The following RNF34 variants were observed in gnomAD, a reference collection of about 807,000 sequenced individuals.
RNF34 encodes the protein ring finger protein 34, also known as E3 ubiquitin-protein ligase RNF34.
In RNF34, 12 loss-of-function variants were observed where a neutral mutation model predicts 37.9. The ratio of observed to expected loss-of-function variants is 0.32; its 90% CI spans 0.20 to 0.51. RNF34 has a LOEUF of 0.51. RNF34 is among the 20% of genes least tolerant of loss of function. The pLI is 0.97. For missense variants in RNF34, 362 were observed against 472.7 expected (o/e 0.77, Z 2.17); for synonymous variants, 155 against 177.2 (o/e 0.87, Z 1.00).
Position 121,418,926 on chromosome 12 carries a change from C to T in RNF34, c.633+1015C>T, listed in dbSNP as rs57222350. Among the ~76,000 whole-genome samples the T allele has an allele frequency of 5.7e-3, 869 of 152,258 alleles. 7 individuals carry two copies. Among genetic ancestry groups the T allele is most frequent in the Middle Eastern group, 0.037 (11 of 294 alleles). On this transcript the variant is annotated intron_variant, in intron 3 of 5. Transcript: ENST00000361234. ...TTCACCATGTTGGTCAGGCTGGTCTCGAATACCTGACCTCAGGTTATCTAC... is the reference window on the plus strand; with the variant it reads ...TTCACCATGTTGGTCAGGCTGGTCTTGAATACCTGACCTCAGGTTATCTAC...
chr12:121,401,709 T>TA (rs1461268462), intron 1 of RNF34, among the ~76,000 whole-genome samples: 3 of 152,128 alleles, frequency 2.0e-5, no homozygotes, highest in Non-Finnish European at 4.4e-5. Flanking sequence ...AGGAAAGAAT[T>TA]AGAGACAGGT....
Position 121,420,430 on chromosome 12 carries a change from T to C in RNF34, c.726+96T>C, listed in dbSNP as rs1294119048. ...ATTCGCTAGATTAGTACAGGATGTT[T>C]CTTCTGGTTTGAATGTAGGACAGTA... On this transcript the variant is annotated intron_variant, in intron 4 of 5. Transcript: ENST00000361234. The C allele has an allele frequency of 4.5e-6, 7 of 1,551,416 alleles. No homozygotes were observed. In the African/African-American group the frequency reaches 9.6e-5, roughly 21 times the overall value.
At chr12:121,418,079 T>C (rs1326420000) in intron 3 of RNF34, 168 bp downstream of exon 3, 6 of 732,774 alleles carry the variant, frequency 8.2e-6, no homozygotes, top group African/African-American at 1.8e-5. Flanking sequence ...TGATGTATAG[T>C]GTCTGCTGAG....
chr12:121,412,755 C>T (rs1256063216), intron 1 of RNF34, among the ~76,000 whole-genome samples: 4 of 139,906 alleles, frequency 2.9e-5, no homozygotes, highest in Non-Finnish European at 6.1e-5. Context: ...GATGGAGTCT[C>T]GCTGTGTCAC....
At position 121,423,707 on chromosome 12, in the gene RNF34, A is replaced by G. The variant is rs559299836; in HGVS notation, c.*131A>G. On this transcript the variant is annotated 3_prime_UTR_variant, in exon 6 of 6. Transcript: ENST00000361234. This position sits in a 1 kb window ranked among gnomAD's most constrained non-coding sequence, Gnocchi z 4.3. ...ACATTATTTTGACTACTAAGTGGGG[A>G]CAGAAAGATCCATCCTGAGTTGTGG... is the stretch of plus-strand genomic sequence containing the variant. 5.6e-5 allele frequency: 45 copies of G among 797,126 alleles called. No individual in the cohort carries two copies. Among genetic ancestry groups the G allele is most frequent in the Admixed American group, 5.1e-4 (19 of 37,254 alleles). 49.4% of individuals were successfully genotyped at this position (797,126 alleles called of 1,614,324 possible).
chr12:121,401,737 A>G (rs1870015634), intron 1 of RNF34, among the ~76,000 whole-genome samples: 1 of 152,202 alleles, frequency 6.6e-6, no homozygotes, highest in African/African-American at 2.4e-5. Flanking sequence ...TGAAATTTTT[A>G]AACAAGTTCT....
In RNF34 at chr12:121,423,420, C is replaced by A; in HGVS notation, c.963C>A (p.Asp321Glu). ...GERLQLQDEE[D>E]DSLCRICMDA... Reference sequence around the variant, plus strand: ...GGCTGCAGCTGCAGGATGAGGAAGACGACAGCCTGTGTCGCATCTGCATGG... The same window carrying A: ...GGCTGCAGCTGCAGGATGAGGAAGAAGACAGCCTGTGTCGCATCTGCATGG... The change falls in exon 6 of 6, where the codon GAC becomes GAA. Residue 321 changes from aspartate to glutamate, a missense_variant. By Grantham distance (45) the Asp-to-Glu change is conservative. Transcript: ENST00000361234. The surrounding 1 kb of genome is among the most constrained non-coding windows in gnomAD (Gnocchi z 4.3). The A allele has an allele frequency of 1.2e-6, 2 of 1,611,646 alleles. No homozygotes were observed. Among genetic ancestry groups the A allele is most frequent in the Non-Finnish European group, 1.7e-6 (2 of 1,178,936 alleles).
intron 1 of RNF34, among the ~76,000 whole-genome samples, chr12:121,410,244 A>G (rs1012536225): frequency 8.6e-5 from 13 of 151,832 alleles, no homozygotes; most frequent in African/African-American, 3.1e-4. Flanking sequence ...AAAATTTTCA[A>G]ATATGCTGCA....
chr12:121,414,462 A>T (rs1413334342), intron 1 of RNF34, among the ~76,000 whole-genome samples: 1 of 152,038 alleles, frequency 6.6e-6, no homozygotes, highest in East Asian at 1.9e-4. Flanking sequence ...GAGACAGGTT[A>T]CTCTGGGCAG....
In RNF34 at chr12:121,417,254, T is replaced by C. The variant is rs1189166910; in HGVS notation, c.226-250T>C. 6.6e-6 allele frequency among the ~76,000 whole-genome samples: 1 copy of C among 152,272 alleles called. No homozygotes were observed. The highest frequency in any genetic ancestry group is 1.9e-4 in the East Asian group (1 of 5,208). On this transcript the variant is annotated intron_variant, in intron 2 of 5. Transcript: ENST00000361234. The surrounding 1 kb of genome is among the most constrained non-coding windows in gnomAD (Gnocchi z 5.0). Reference sequence around the variant, plus strand: ...TTTATACCAAGGGGTGGAAAGGTTTTAATTCATTAACACAAGAGTGTGTTT... The same window carrying C: ...TTTATACCAAGGGGTGGAAAGGTTTCAATTCATTAACACAAGAGTGTGTTT...
At chr12:121,412,111 G>C (rs569447439) in intron 1 of RNF34, among the ~76,000 whole-genome samples, 1 of 152,140 alleles carries the variant, frequency 6.6e-6, no homozygotes, top group Non-Finnish European at 1.5e-5. Context: ...ACCCAGGCTG[G>C]AGTGCAGTGG....
rs781942399 is a variant in RNF34, at chr12:121,417,824, C to G, written c.546C>G (p.Asn182Lys). The change falls in exon 3 of 6, where the codon AAC becomes AAG. Residue 182 changes from asparagine (N) to lysine (K), a missense_variant. By Grantham distance (94) the Asn-to-Lys change is moderately conservative. Transcript: ENST00000361234. The surrounding 1 kb of genome is among the most constrained non-coding windows in gnomAD (Gnocchi z 5.0). ...TTTTTACACGTTCGTTTTTTTCAAA[C>G]TATACAGCCCCCTCTGCTACTATGT... ...SSFFTRSFFS[N>K]YTAPSATMSS... 1.9e-6 allele frequency: 3 copies of G among 1,614,156 alleles called. No individual in the cohort carries two copies. The highest frequency in any genetic ancestry group is 2.5e-6 in the Non-Finnish European group (3 of 1,180,032).
At chr12:121,420,159 T>C (rs1555282982) in intron 3 of RNF34, 83 bp from the exon 4 acceptor site, 4 of 1,243,560 alleles carry the variant, frequency 3.2e-6, no homozygotes, top group South Asian at 1.2e-5. Flanking sequence ...CTGGTCATCA[T>C]GGGGAGCATC....
chr12:121,400,819 T>C (rs1555279903), intron 1 of RNF34, among the ~76,000 whole-genome samples: 2 of 152,126 alleles, frequency 1.3e-5, no homozygotes, highest in East Asian at 3.8e-4. Context: ...ATTTGGCAGC[T>C]TGAGTTCTCC....
intron 1 of RNF34, 36 bp downstream of exon 1, chr12:121,400,254 C>T: frequency 6.2e-7 from 1 of 1,603,940 alleles, no homozygotes; most frequent in Non-Finnish European, 8.5e-7. Flanking sequence ...ACCCTCCTCG[C>T]CAATCCTATC....
At chr12:121,410,218 AG>A (rs1555281212) in intron 1 of RNF34, among the ~76,000 whole-genome samples, 1 of 151,756 alleles carries the variant, frequency 6.6e-6, no homozygotes, top group Non-Finnish European at 1.5e-5. Context: ...TGGGGCTTAA[AG>A]GGGAGATGGA....
At chr12:121,420,102 A>T in intron 3 of RNF34, 140 bp from the exon 4 acceptor site, 1 of 686,480 alleles carries the variant, frequency 1.5e-6, no homozygotes, top group Non-Finnish European at 2.4e-6. Context: ...ACTTTTTGGA[A>T]GGGTCAGCAG....
In RNF34 at chr12:121,417,507, G is replaced by A; in HGVS notation, c.229G>A (p.Val77Ile). Residue 77 changes from valine to isoleucine, a missense_variant, in exon 3 of 6, where the codon GTT (valine) becomes ATT (isoleucine). By Grantham distance (29) the Val-to-Ile change is conservative. Coordinates refer to ENST00000361234, the MANE Select transcript of RNF34 (RefSeq NM_025126.4). The surrounding 1 kb of genome is among the most constrained non-coding windows in gnomAD (Gnocchi z 5.0). ...TCAAATGCTTTTCTTTCTTCAGCAT[G>A]TTTGCTGTGACTGCAAGAAGGATTT... is the stretch of plus-strand genomic sequence containing the variant. ...LSFSVFRKKH[V>I]CCDCKKDFCS... 6.2e-7 allele frequency: 1 copy of A among 1,611,234 alleles called. No homozygotes were observed. Among genetic ancestry groups the A allele is most frequent in the Non-Finnish European group, 8.5e-7 (1 of 1,178,016 alleles).
chr12:121,416,851 A>G (rs1871619093), intron 2 of RNF34, among the ~76,000 whole-genome samples: 1 of 152,224 alleles, frequency 6.6e-6, no homozygotes. Context: ...TCAGAGACCC[A>G]TCATATTGGT....
Sources: gnomAD v4.1 joint callset for allele counts (sites outside exome capture counted in the v4.1 genomes callset) on GRCh38, gnomAD v4.1.1 for gene constraint, Gnocchi (gnomAD v3.1) non-coding constraint, MANE v1.5 for transcripts, NCBI Gene and HGNC (gene_info 2026-07-23, HGNC 2026-07-21) for gene names.